The following HCN2 variants were observed in gnomAD, a reference collection of about 807,000 sequenced individuals.
The protein encoded by HCN2 is hyperpolarization activated cyclic nucleotide gated potassium and sodium channel 2, also known as potassium/sodium hyperpolarization-activated cyclic nucleotide-gated channel 2.
In HCN2, 20 loss-of-function variants were observed where a neutral mutation model predicts 52.3. The ratio of observed to expected loss-of-function variants is 0.38; its 90% CI spans 0.27 to 0.56. The LOEUF (loss-of-function observed/expected upper bound fraction) is 0.56, where lower values mean the gene tolerates loss of function less well. Among genes scored for constraint, HCN2 ranks in the 20% least tolerant of loss-of-function variants. The pLI, the probability that HCN2 is intolerant of heterozygous loss-of-function variation, is 0.71. For missense variants in HCN2, 981 were observed against 1,207.7 expected (o/e 0.81, Z 2.78); for synonymous variants, 694 against 537.0 (o/e 1.29, Z -4.04).
In HCN2 at chr19:605,191, G is replaced by A. The variant is rs764006499; in HGVS notation, c.1187G>A (p.Arg396His). The A allele has an allele frequency of 2.1e-5, 34 of 1,610,782 alleles. No homozygotes were observed. Among genetic ancestry groups the A allele is most frequent in the African/African-American group, 4.0e-5 (3 of 74,800 alleles). ...FLVPMLQDFP[R>H]NCWVSINGMV... ...GTGCCTATGCTGCAGGACTTCCCGC[G>A]CAACTGCTGGGTGTCCATCAATGGC... The change falls in exon 3 of 8, where the codon CGC becomes CAC. Residue 396 changes from arginine (R) to histidine (H), a missense_variant. By Grantham distance (29) the Arg-to-His change is conservative. Transcript: ENST00000251287.
chr19:598,053 G>A (rs984510637), intron 1 of HCN2, among the ~76,000 whole-genome samples: 1 of 152,198 alleles, frequency 6.6e-6, no homozygotes, highest in Non-Finnish European at 1.5e-5. Context: ...GTGAGGCTGG[G>A]GCTGAGCTCC....
At chr19:595,366 G>T (rs547549570) in intron 1 of HCN2, among the ~76,000 whole-genome samples, 5 of 151,336 alleles carry the variant, frequency 3.3e-5, no homozygotes, top group African/African-American at 9.7e-5. Context: ...CCCCTTTCTG[G>T]CCTCCCGGCT....
intron 1 of HCN2, among the ~76,000 whole-genome samples, chr19:601,977 C>T (rs947719327): frequency 2.0e-5 from 3 of 151,934 alleles, no homozygotes; most frequent in East Asian, 1.9e-4. Context: ...ATTTATCATA[C>T]GGAACGTCCG....
chr19:613,798 G>T, intron 6 of HCN2, 54 bp from the exon 7 acceptor site: 1 of 1,438,446 alleles, frequency 7.0e-7, no homozygotes, highest in East Asian at 2.7e-5. Context: ...CCTGGGCGGG[G>T]AGGGCCGCGG....
At chr19:594,363 C>G (rs1163721794) in intron 1 of HCN2, among the ~76,000 whole-genome samples, 1 of 151,966 alleles carries the variant, frequency 6.6e-6, no homozygotes, top group Non-Finnish European at 1.5e-5. Context: ...GGTCCAGTTC[C>G]AGGGCTAAGT....
intron 5 of HCN2, among the ~76,000 whole-genome samples, chr19:612,427 T>TGTGTGGGA: frequency 1.4e-5 from 2 of 142,256 alleles, no homozygotes; most frequent in South Asian, 2.2e-4. Flanking sequence ...TGTGTGTGTG[T>TGTGTGGGA]GAGAGAGAGA....
chr19:608,279 G>T, intron 4 of HCN2, 97 bp downstream of exon 4: 2 of 1,146,354 alleles, frequency 1.7e-6, no homozygotes, highest in Middle Eastern at 5.7e-4. Context: ...GGGGTCTGAT[G>T]GAGGGAGGCA....
chr19:615,325 T>A (rs529604421), intron 7 of HCN2, among the ~76,000 whole-genome samples: 2 of 151,814 alleles, frequency 1.3e-5, no homozygotes, highest in Non-Finnish European at 2.9e-5. Context: ...CTGGCTAACA[T>A]GGTGAAACCC....
chr19:607,043 A>C (rs576966343), intron 3 of HCN2, among the ~76,000 whole-genome samples: 2 of 146,700 alleles, frequency 1.4e-5, no homozygotes, highest in African/African-American at 5.1e-5. Flanking sequence ...GTGGTGGCGC[A>C]TGCCTGTAAT....
At position 612,427 on chromosome 19, in the gene HCN2, T is replaced by TGTGTGTGTGAGAGAGA; in HGVS notation, c.1585-820_1585-819insTGTGTGTGAGAGAGAG. Among the ~76,000 whole-genome samples, 105 of 142,356 alleles carry TGTGTGTGTGAGAGAGA rather than the reference T, an allele frequency of 7.4e-4. 2 individuals are homozygous for TGTGTGTGTGAGAGAGA. Among genetic ancestry groups the TGTGTGTGTGAGAGAGA allele is most frequent in the African/African-American group, 2.5e-3 (97 of 38,184 alleles). The allele number at this position is 142,356 out of a possible 152,430, so 93.4% of individuals were successfully genotyped here. On this transcript the variant is annotated intron_variant, in intron 5 of 7. Transcript: ENST00000251287. ...GTGTGTGTGTGTGTGTGTGTGTGTG[T>TGTGTGTGTGAGAGAGA]GAGAGAGAGATGGAGTCTCGCTCTG...
At chr19:614,228 AGGACCCCTTTGG>A (rs1248342860) in intron 7 of HCN2, among the ~76,000 whole-genome samples, 59 of 152,290 alleles carry the variant, frequency 3.9e-4, no homozygotes, top group African/African-American at 1.3e-3. Flanking sequence ...GGCCGCTCCT[AGGACCCCTTTGG>A]GTCTAGAGGC....
At chr19:612,405 T>TGTGA (rs1983677279) in intron 5 of HCN2, among the ~76,000 whole-genome samples, 1 of 120,740 alleles carries the variant, frequency 8.3e-6, no homozygotes. Context: ...TGTGTGTGTG[T>TGTGA]GTGTGTGTGT....
chr19:596,734 G>A (rs957811972), intron 1 of HCN2, among the ~76,000 whole-genome samples: 13 of 152,168 alleles, frequency 8.5e-5, no homozygotes, highest in African/African-American at 2.4e-4. Context: ...TGCCGGACGC[G>A]GCTGCACAGA....
At chr19:604,859 C>CA (rs1555730640) in intron 2 of HCN2, among the ~76,000 whole-genome samples, 2 of 72,804 alleles carry the variant, frequency 2.7e-5, no homozygotes, top group South Asian at 5.7e-4. Context: ...TAGAGGTGGG[C>CA]GGGGTCCTGG....
Position 617,008 on chromosome 19 carries a change from T to G in HCN2, c.*534T>G, listed in dbSNP as rs1284230581. On this transcript the variant is annotated 3_prime_UTR_variant, in exon 8 of 8. Transcript: ENST00000251287. ...CAGCACTGGCACCGAGAGGCAGGCC[T>G]GGCTGCGCAGGGCGCGGGGGGGAGG... is the stretch of plus-strand genomic sequence containing the variant. 2.6e-5 allele frequency: 13 copies of G among 492,338 alleles called. No homozygotes were observed. The highest frequency in any genetic ancestry group is 2.5e-4 in the South Asian group (12 of 48,728). The allele number at this position is 492,338 out of a possible 1,614,324, so 30.5% of individuals were successfully genotyped here.
At chr19:609,722 G>A (rs1241071832) in intron 4 of HCN2, among the ~76,000 whole-genome samples, 1 of 152,018 alleles carries the variant, frequency 6.6e-6, no homozygotes, top group East Asian at 1.9e-4. Flanking sequence ...GCAATATGGC[G>A]AGACCTCATC....
At position 616,647 on chromosome 19, in the gene HCN2, C is replaced by T. The variant is rs1983948633; in HGVS notation, c.*173C>T. On this transcript the variant is annotated 3_prime_UTR_variant, in exon 8 of 8. Coordinates refer to ENST00000251287, the MANE Select transcript of HCN2 (RefSeq NM_001194.4). Reference sequence around the variant, plus strand: ...GCCGGCGGGGCAGCCCCCTCCGCGCCCCCGGCCGTCCCCCCTCATCGCCCC... The same window carrying T: ...GCCGGCGGGGCAGCCCCCTCCGCGCTCCCGGCCGTCCCCCCTCATCGCCCC... 3 of 281,926 alleles carry T rather than the reference C, an allele frequency of 1.1e-5. No individual in the cohort carries two copies. Among genetic ancestry groups the T allele is most frequent in the East Asian group, 7.2e-5 (1 of 13,920 alleles). The allele number at this position is 281,926 out of a possible 1,614,324, so 17.5% of individuals were successfully genotyped here.
Position 607,957 on chromosome 19 carries a change from C to T in HCN2, c.1219-7C>T. 1 of 1,604,682 alleles carries T rather than the reference C, an allele frequency of 6.2e-7. No individual in the cohort carries two copies. The highest frequency in any genetic ancestry group is 1.1e-5 in the South Asian group (1 of 90,840). The stretch of plus-strand genomic sequence containing the variant: ...GCCCACCACCGCCCCTCCTGCTGGC[C>T]TTGCAGAACCACTCGTGGAGTGAAC... On this transcript the variant is annotated splice_polypyrimidine_tract_variant and splice_region_variant and intron_variant, in intron 3 of 7. Transcript: ENST00000251287.
In HCN2 at chr19:590,813, G is replaced by T. The variant is rs961847914; in HGVS notation, c.632+236G>T. 3.6e-6 allele frequency: 1 copy of T among 279,378 alleles called. No individual in the cohort carries two copies. The highest frequency in any genetic ancestry group is 6.7e-6 in the Non-Finnish European group (1 of 150,170). 17.3% of individuals were successfully genotyped at this position (279,378 alleles called of 1,614,324 possible). ...GGAGCGCCCCCCTCCCACGCACCCCGACATCCTCCGCCCTGCGGCGCGGCG... is the reference window on the plus strand; with the variant it reads ...GGAGCGCCCCCCTCCCACGCACCCCTACATCCTCCGCCCTGCGGCGCGGCG... On this transcript the variant is annotated intron_variant, in intron 1 of 7. Transcript: ENST00000251287. The surrounding 1 kb of genome is among the most constrained non-coding windows in gnomAD (Gnocchi z 7.2).
Sources: allele counts gnomAD v4.1 joint callset (sites outside exome capture counted in the v4.1 genomes callset), GRCh38; gene constraint gnomAD v4.1.1; non-coding constraint Gnocchi (gnomAD v3.1); transcripts MANE v1.5; gene names NCBI Gene and HGNC (gene_info 2026-07-23, HGNC 2026-07-21).